The following CPAP variants were observed in gnomAD, a reference collection of about 807,000 sequenced individuals.
The protein encoded by CPAP is centrosome assembly and centriole elongation protein, also known as centrosomal P4.1-associated protein.
chr13:24,921,081 A>C, the CPAP span, among the ~76,000 whole-genome samples: 27 of 152,348 alleles, frequency 1.8e-4, no homozygotes, highest in Non-Finnish European at 3.4e-4. Flanking sequence ...TAAACAATCA[A>C]GAAGTCAAGA....
At chr13:24,916,579 TTTTG>T in the CPAP span, among the ~76,000 whole-genome samples, 32 of 152,328 alleles carry the variant, frequency 2.1e-4, no homozygotes, top group African/African-American at 7.2e-4. Context: ...TCTTTTTTGC[TTTTG>T]TTTGTTTTTC....
chr13:24,922,610 T>C, the CPAP span, among the ~76,000 whole-genome samples: 1 of 152,196 alleles, frequency 6.6e-6, no homozygotes, highest in African/African-American at 2.4e-5. Context: ...AGCGCGCCCG[T>C]GGGCCTGAGC....
chr13:24,915,072 C>T, the CPAP span, among the ~76,000 whole-genome samples: 1 of 150,690 alleles, frequency 6.6e-6, no homozygotes, highest in Admixed American at 6.6e-5. Context: ...GAGACTCTCT[C>T]TCAAAAAATA....
chr13:24,914,448 CA>C, the CPAP span, among the ~76,000 whole-genome samples: 3 of 152,140 alleles, frequency 2.0e-5, no homozygotes, highest in Non-Finnish European at 4.4e-5. Context: ...TTCCATCTCC[CA>C]AACATCCGAG....
At chr13:24,886,019 G>T in the CPAP span, 6 of 377,694 alleles carry the variant, frequency 1.6e-5, no homozygotes, top group Non-Finnish European at 3.0e-5. Context: ...CAAATAACTG[G>T]GTATTTAGTT....
At chr13:24,886,345 A>G in the CPAP span, 1 of 1,289,298 alleles carries the variant, frequency 7.8e-7, no homozygotes, top group South Asian at 1.2e-5. Flanking sequence ...GCAGGTGGTC[A>G]GCCAACAAGC....
chr13:24,906,095 T>C, the CPAP span: 2 of 1,612,752 alleles, frequency 1.2e-6, no homozygotes, highest in Non-Finnish European at 8.5e-7. Context: ...ACACTCACTC[T>C]CCTTCTCACG....
chr13:24,884,048 A>G, the CPAP span: 1 of 1,613,944 alleles, frequency 6.2e-7, no homozygotes, highest in Non-Finnish European at 8.5e-7. Flanking sequence ...TGGTCAGGAA[A>G]CGTGATTTCT....
the CPAP span, among the ~76,000 whole-genome samples, chr13:24,916,110 A>T: frequency 1.2e-4 from 19 of 152,220 alleles, no homozygotes; most frequent in Admixed American, 5.9e-4. Context: ...GGAATTACAT[A>T]GAAAAGCAAG....
At chr13:24,885,237 T>C in the CPAP span, 1 of 1,349,662 alleles carries the variant, frequency 7.4e-7, no homozygotes, top group Non-Finnish European at 1.1e-6. Flanking sequence ...CCCATGTTTA[T>C]TTTTTATAGA....
the CPAP span, chr13:24,906,249 CA>C: frequency 6.2e-7 from 1 of 1,604,192 alleles, no homozygotes; most frequent in Non-Finnish European, 8.5e-7. Flanking sequence ...ATTTTCAGTA[CA>C]AATGAGGAAT....
At chr13:24,912,758 A>T in the CPAP span, 1 of 1,614,140 alleles carries the variant, frequency 6.2e-7, no homozygotes, top group Non-Finnish European at 8.5e-7. Context: ...GATTTATCTG[A>T]CTGTGGTTTG....
At chr13:24,900,578 GT>G in the CPAP span, among the ~76,000 whole-genome samples, 1 of 152,128 alleles carries the variant, frequency 6.6e-6, no homozygotes, top group African/African-American at 2.4e-5. Context: ...GGAGGTAGAG[GT>G]TGCAGTGAGC....
chr13:24,932,897 G>C, the CPAP span: 4 of 701,698 alleles, frequency 5.7e-6, no homozygotes, highest in Admixed American at 4.7e-5. Flanking sequence ...TGATTACAAT[G>C]TTTCTTAAGG....
the CPAP span, chr13:24,912,784 T>A: frequency 3.1e-6 from 5 of 1,614,222 alleles, no homozygotes; most frequent in Non-Finnish European, 3.4e-6. Context: ...GTTGTTTGAC[T>A]CCAACTTCTG....
At chr13:24,891,000 T>TCA in the CPAP span, among the ~76,000 whole-genome samples, 5 of 151,668 alleles carry the variant, frequency 3.3e-5, no homozygotes, top group African/African-American at 1.2e-4. Context: ...GCCACTACCC[T>TCA]CATGTCCTTA....
At chr13:24,918,538 T>C in the CPAP span, among the ~76,000 whole-genome samples, 1 of 152,302 alleles carries the variant, frequency 6.6e-6, no homozygotes, top group Non-Finnish European at 1.5e-5. Flanking sequence ...TTAACACATA[T>C]TTTGTATGTT....
At chr13:24,888,593 C>A in the CPAP span, among the ~76,000 whole-genome samples, 8 of 152,120 alleles carry the variant, frequency 5.3e-5, no homozygotes, top group Non-Finnish European at 1.0e-4. Flanking sequence ...AAAACTGGTA[C>A]AACCATGTTG....
the CPAP span, among the ~76,000 whole-genome samples, chr13:24,931,485 A>G: frequency 6.6e-6 from 1 of 151,888 alleles, no homozygotes; most frequent in Non-Finnish European, 1.5e-5. Context: ...GGTGTCCCCA[A>G]TCCCCTTGGT....
Sources: allele counts gnomAD v4.1 joint callset (sites outside exome capture counted in the v4.1 genomes callset), GRCh38; gene constraint gnomAD v4.1.1; transcripts MANE v1.5; gene names NCBI Gene and HGNC (gene_info 2026-07-23, HGNC 2026-07-21).